The following TBC1D10A variants were observed in gnomAD, a reference collection of about 807,000 sequenced individuals.
The protein encoded by TBC1D10A is EBP50-PDX interactor of 64 kDa.
In TBC1D10A, 24 loss-of-function variants were observed where a neutral mutation model predicts 52.9. The observed-to-expected ratio is 0.45, with a 90% CI of 0.33 to 0.64. The LOEUF (loss-of-function observed/expected upper bound fraction) is 0.64, where lower values mean the gene tolerates loss of function less well. TBC1D10A is among the 30% of genes least tolerant of loss of function. The probability of loss-of-function intolerance (pLI) is 0.02; values close to 1 mark genes in which losing one functional copy is unlikely to be tolerated. For missense variants in TBC1D10A, 602 were observed against 687.9 expected (o/e 0.88, Z 1.40); for synonymous variants, 278 against 282.9 (o/e 0.98, Z 0.17).
intron 1 of TBC1D10A, among the ~76,000 whole-genome samples, chr22:30,326,126 G>A (rs1930765618): frequency 6.7e-6 from 1 of 148,894 alleles, no homozygotes; most frequent in African/African-American, 2.5e-5. Context: ...ATGCCTCGAG[G>A]AAAGGGTCAG....
At chr22:30,295,168 G>A (rs562904846) in intron 4 of TBC1D10A, 113 bp from the exon 5 acceptor site, 2 of 1,015,874 alleles carry the variant, frequency 2.0e-6, no homozygotes, top group East Asian at 5.1e-5. Context: ...CCTTGAGAGG[G>A]AAGGTGATCT....
intron 8 of TBC1D10A, chr22:30,293,065 G>C (rs960068134): frequency 1.6e-6 from 1 of 625,438 alleles, no homozygotes; most frequent in Non-Finnish European, 2.8e-6. Flanking sequence ...CCGCCTCAGA[G>C]GATAAAGCTG....
intron 1 of TBC1D10A, among the ~76,000 whole-genome samples, chr22:30,322,594 T>A (rs886290203): frequency 4.8e-4 from 3 of 6,208 alleles, no homozygotes; most frequent in South Asian, 7.6e-3. Flanking sequence ...CACTTTCAGC[T>A]TTTTTTTTTT....
At chr22:30,322,521 A>G (rs1207527715) in intron 1 of TBC1D10A, among the ~76,000 whole-genome samples, 1 of 147,222 alleles carries the variant, frequency 6.8e-6, no homozygotes, top group African/African-American at 2.5e-5. Context: ...GGGAATCAGG[A>G]ATTCCAGGTT....
intron 1 of TBC1D10A, among the ~76,000 whole-genome samples, chr22:30,304,931 G>A (rs1243121824): frequency 6.6e-6 from 1 of 152,230 alleles, no homozygotes; most frequent in East Asian, 1.9e-4. Context: ...CTGCATCTGT[G>A]CAGCAAAGCA....
intron 1 of TBC1D10A, among the ~76,000 whole-genome samples, chr22:30,307,468 T>C (rs1930332119): frequency 6.6e-6 from 1 of 152,162 alleles, no homozygotes; most frequent in African/African-American, 2.4e-5. Flanking sequence ...TTCCCCACCT[T>C]ATGCCAAAAT....
intron 1 of TBC1D10A, among the ~76,000 whole-genome samples, chr22:30,311,949 T>G (rs1569163000): frequency 6.6e-6 from 1 of 152,160 alleles, no homozygotes; most frequent in Non-Finnish European, 1.5e-5. Context: ...CATGCTACCA[T>G]GCCCCACTAA....
At chr22:30,326,289 A>C (rs1930771216) in intron 1 of TBC1D10A, among the ~76,000 whole-genome samples, 1 of 151,486 alleles carries the variant, frequency 6.6e-6, no homozygotes, top group African/African-American at 2.4e-5. Context: ...GGGGGGCGCC[A>C]GCCATCTGGG....
At chr22:30,308,236 C>T (rs1465010352) in intron 1 of TBC1D10A, among the ~76,000 whole-genome samples, 1 of 150,756 alleles carries the variant, frequency 6.6e-6, no homozygotes, top group East Asian at 2.0e-4. Flanking sequence ...CCTTGTACTA[C>T]ACTTCTCTGC....
chr22:30,292,555 TG>T lies in TBC1D10A; in HGVS notation c.1346del (p.Pro449GlnfsTer50). 6.2e-7 allele frequency: 1 copy of T among 1,613,582 alleles called. No homozygotes were observed. The highest frequency in any genetic ancestry group is 8.5e-7 in the Non-Finnish European group (1 of 1,179,878). On this transcript the variant is annotated frameshift_variant, in exon 9 of 9. Transcript: ENST00000215790. LOFTEE classifies it high-confidence loss of function. ...CCACCACCATGGCTTGATTTGGGGC[TG>T]GGGGCTTCTCCAGCTGCCCTCTCCC... Reference protein sequence around the residue: ...MKGRGQLEKPPAPNQAMVVAA... With the variant: ...MKGRGQLEKPXAPNQAMVVAA...
Position 30,293,696 on chromosome 22 carries a change from C to A in TBC1D10A, c.1005G>T (p.Arg335=). ...CCTGCATGATCTTGGGGCTGAGGCTCCGCAGTCGCTCGATGGTCTCGTACT... is the reference window on the plus strand; with the variant it reads ...CCTGCATGATCTTGGGGCTGAGGCTACGCAGTCGCTCGATGGTCTCGTACT... ...QGQYETIERL[R]SLSPKIMQEA... The change falls in exon 8 of 9, where the codon CGG becomes CGT. Residue 335 remains arginine (R), a synonymous_variant. Coordinates refer to ENST00000215790, the MANE Select transcript of TBC1D10A (RefSeq NM_031937.3). 1 of 1,612,728 alleles carries A rather than the reference C, an allele frequency of 6.2e-7. No individual in the cohort carries two copies. Among genetic ancestry groups the A allele is most frequent in the South Asian group, 1.1e-5 (1 of 91,068 alleles).
At chr22:30,302,511 T>C (rs181393113) in intron 2 of TBC1D10A, among the ~76,000 whole-genome samples, 4 of 152,290 alleles carry the variant, frequency 2.6e-5, no homozygotes, top group African/African-American at 7.2e-5. Context: ...ACAGGTATTA[T>C]ACTTCCTGTG....
In TBC1D10A at chr22:30,297,662, AGGAG is replaced by A. The variant is rs1481468770; in HGVS notation, c.417+1778_417+1781del. 6.6e-6 allele frequency: 1 copy of A among 152,324 alleles called. No individual in the cohort carries two copies. Among genetic ancestry groups the A allele is most frequent in the East Asian group, 1.9e-4 (1 of 5,188 alleles). The allele number at this position is 152,324 out of a possible 1,614,324, so 9.4% of individuals were successfully genotyped here. A position where few individuals can be genotyped will look rare whatever the true frequency, so the allele number is the denominator to read the frequency against. ...ACAGGAGGTCCTGCCTGCCCAAGGAAGGAGGAAGAAATAGCACGTGCAGGAGAAG... is the reference window on the plus strand; with the variant it reads ...ACAGGAGGTCCTGCCTGCCCAAGGAAGAAGAAATAGCACGTGCAGGAGAAG... On this transcript the variant is annotated intron_variant, in intron 3 of 8. Coordinates refer to ENST00000215790, the MANE Select transcript of TBC1D10A (RefSeq NM_031937.3). The surrounding 1 kb of genome is among the most constrained non-coding windows in gnomAD (Gnocchi z 4.3).
At chr22:30,302,475 T>C (rs1294004115) in intron 2 of TBC1D10A, among the ~76,000 whole-genome samples, 1 of 152,150 alleles carries the variant, frequency 6.6e-6, no homozygotes, top group African/African-American at 2.4e-5. Context: ...CCAGGAGAAG[T>C]GTTGGGTCTG....
chr22:30,311,878 C>T (rs145998645), intron 1 of TBC1D10A, among the ~76,000 whole-genome samples: 5 of 152,206 alleles, frequency 3.3e-5, no homozygotes, highest in Admixed American at 1.3e-4. Context: ...CTGCAGCCTC[C>T]GCCTCCTGGG....
At chr22:30,311,955 AC>A (rs1215970161) in intron 1 of TBC1D10A, among the ~76,000 whole-genome samples, 1 of 151,962 alleles carries the variant, frequency 6.6e-6, no homozygotes, top group African/African-American at 2.4e-5. Context: ...ACCATGCCCC[AC>A]TAAGTTTTGC....
At position 30,299,482 on chromosome 22, in the gene TBC1D10A, C is replaced by T; in HGVS notation, c.379G>A (p.Gly127Ser). 1 of 1,614,194 alleles carries T rather than the reference C, an allele frequency of 6.2e-7. No homozygotes were observed. The highest frequency in any genetic ancestry group is 8.5e-7 in the Non-Finnish European group (1 of 1,180,020). The change falls in exon 3 of 9, where the codon GGC becomes AGC. Residue 127 changes from glycine (G) to serine (S), a missense_variant. Around this residue, in one of 3 missense-constraint regions of TBC1D10A, gnomAD observed 201 missense variants for 204.4 expected, o/e 0.98. Coordinates refer to ENST00000215790, the MANE Select transcript of TBC1D10A (RefSeq NM_031937.3). ...RGRAWQYLSG[G>S]KVKLQQNPGK... ...GGGTTCTGCTGTAACTTCACCTTGC[C>T]TCCTGACAGGTACTGCCAAGCACGG...
chr22:30,293,725 C>T lies in TBC1D10A; in HGVS notation c.976G>A (p.Gly326Ser), dbSNP rs373956148. The T allele has an allele frequency of 1.1e-5, 17 of 1,613,542 alleles. No individual in the cohort carries two copies. Among genetic ancestry groups the T allele is most frequent in the Non-Finnish European group, 1.2e-5 (14 of 1,179,820 alleles). ...GSPEKVKACQ[G>S]QYETIERLRS... ...AGTCGCTCGATGGTCTCGTACTGGCCCTGGCAGGCTTTGACCTTCTCAGGG... is the reference window on the plus strand; with the variant it reads ...AGTCGCTCGATGGTCTCGTACTGGCTCTGGCAGGCTTTGACCTTCTCAGGG... The change falls in exon 8 of 9, where the codon GGC becomes AGC. Residue 326 changes from glycine to serine, a missense_variant. Around this residue, in one of 3 missense-constraint regions of TBC1D10A, gnomAD observed 265 missense variants for 275.1 expected, o/e 0.96. Coordinates refer to ENST00000215790, the MANE Select transcript of TBC1D10A (RefSeq NM_031937.3).
rs776461874 is a variant in TBC1D10A, at chr22:30,299,531, CT to C, written c.329del (p.Lys110ArgfsTer20). ...GGCCCCGCAGAGAAGGCGGGATGCCCTTTTGGCACCGCAGACGAATCTGAAA... is the reference window on the plus strand; with the variant it reads ...GGCCCCGCAGAGAAGGCGGGATGCCCTTTGGCACCGCAGACGAATCTGAAA... ...KHKKIRLRCQ[K>X]GIPPSLRGRA... On this transcript the variant is annotated frameshift_variant, in exon 3 of 9. Transcript: ENST00000215790. LOFTEE classifies it high-confidence loss of function. 6.2e-7 allele frequency: 1 copy of C among 1,614,118 alleles called. No individual in the cohort carries two copies. Among genetic ancestry groups the C allele is most frequent in the Non-Finnish European group, 8.5e-7 (1 of 1,179,978 alleles).
Sources: gnomAD v4.1 joint callset for allele counts (sites outside exome capture counted in the v4.1 genomes callset) on GRCh38, gnomAD v4.1.1 for gene constraint, gnomAD v4.1.1 regional missense constraint, Gnocchi (gnomAD v3.1) non-coding constraint, MANE v1.5 for transcripts, NCBI Gene and HGNC (gene_info 2026-07-23, HGNC 2026-07-21) for gene names.